The following RNF213 variants were observed in gnomAD, a reference collection of about 807,000 sequenced individuals.
RNF213 encodes the protein ring finger protein 213.
Under a neutral mutation model 514.4 loss-of-function variants are expected in RNF213, and 341 were observed. The ratio of observed to expected loss-of-function variants is 0.66; its 90% CI spans 0.61 to 0.73. RNF213 has a LOEUF of 0.73. Ranked by LOEUF, RNF213 falls within the 30% of genes least tolerant of loss-of-function variation. The pLI, the probability that RNF213 is intolerant of heterozygous loss-of-function variation, is 0.00. For synonymous variants in RNF213, 2,655 were observed against 2,658.2 expected, an observed-to-expected ratio of 1.00 and a Z score of 0.04; for missense variants, 5,767 against 6,615.6, an observed-to-expected ratio of 0.87 and a Z score of 4.45.
chr17:80,288,731 T>C lies in RNF213; in HGVS notation c.909T>C (p.Thr303=). The stretch of plus-strand genomic sequence containing the variant: ...GAATGAAACAGCCACCAGCAACCAC[T>C]CCTCCTTTCAAAACACACTGCCAGG... ...TQRMKQPPAT[T]PPFKTHCQEA... is the part of the protein sequence containing the mutation. The change falls in exon 5 of 68, where the codon ACT becomes ACC. Residue 303 remains threonine (T), a synonymous_variant. Coordinates refer to ENST00000582970, the MANE Select transcript of RNF213 (RefSeq NM_001256071.3). The surrounding 1 kb of genome is among the most constrained non-coding windows in gnomAD (Gnocchi z 4.9). 1 of 1,614,080 alleles carries C rather than the reference T, an allele frequency of 6.2e-7. No homozygotes were observed. The highest frequency in any genetic ancestry group is 8.5e-7 in the Non-Finnish European group (1 of 1,180,018).
chr17:80,304,498 G>A (rs1158472029), intron 11 of RNF213, among the ~76,000 whole-genome samples: 1 of 151,952 alleles, frequency 6.6e-6, no homozygotes, highest in Non-Finnish European at 1.5e-5. Flanking sequence ...AAATGAGCCG[G>A]GCGTGGTGGC....
At position 80,356,923 on chromosome 17, in the gene RNF213, G is replaced by T. The variant is rs866297346; in HGVS notation, c.10863-1365G>T. Among the ~76,000 whole-genome samples, 1,145 of 145,800 alleles carry T rather than the reference G, an allele frequency of 7.9e-3. 22 individuals carry two copies. Among genetic ancestry groups the T allele is most frequent in the African/African-American group, 0.026 (1,041 of 39,636 alleles). On this transcript the variant is annotated intron_variant, in intron 36 of 67. Coordinates refer to ENST00000582970, the MANE Select transcript of RNF213 (RefSeq NM_001256071.3). ...CCCCCAACATTAATTACCTTGTGGGGTTTTTTTTTTTTCGAGACAGAGTCT... is the reference window on the plus strand; with the variant it reads ...CCCCCAACATTAATTACCTTGTGGGTTTTTTTTTTTTTCGAGACAGAGTCT...
rs922848727 is a variant in RNF213, at chr17:80,376,597, G to C, written c.13428+54G>C. On this transcript the variant is annotated intron_variant, in intron 52 of 67. Coordinates refer to ENST00000582970, the MANE Select transcript of RNF213 (RefSeq NM_001256071.3). ...TTCACTGGAACACCCCCCAGAGCTT[G>C]TCACTGTAGAGACCGAGCTGCAGCT... 4.3e-6 allele frequency: 7 copies of C among 1,612,202 alleles called. No individual in the cohort carries two copies. In the East Asian group the frequency reaches 6.7e-5, roughly 15 times the overall value.
chr17:80,288,972 C>T lies in RNF213; in HGVS notation c.933+217C>T, dbSNP rs540849752. ...CGTGGAGGGAGGGAGAGAGGGCACC[C>T]AGGTGGGCCCCGAGGTACCATGGCA... On this transcript the variant is annotated intron_variant, in intron 5 of 67. Coordinates refer to ENST00000582970, the MANE Select transcript of RNF213 (RefSeq NM_001256071.3). The surrounding 1 kb of genome is among the most constrained non-coding windows in gnomAD (Gnocchi z 4.9). Among the ~76,000 whole-genome samples, 451 of 152,280 alleles carry T rather than the reference C, an allele frequency of 3.0e-3. 3 individuals carry two copies. Among genetic ancestry groups the T allele is most frequent in the African/African-American group, 0.01 (430 of 41,566 alleles).
rs145172026 is a variant in RNF213 at position 80,327,631 on chromosome 17, C to T, written c.3194-185C>T. Among the ~76,000 whole-genome samples, 692 of 152,306 alleles carry T rather than the reference C, an allele frequency of 4.5e-3. 3 individuals are homozygous for T. The highest frequency in any genetic ancestry group is 8.0e-3 in the Non-Finnish European group (541 of 68,026). On this transcript the variant is annotated intron_variant, in intron 18 of 67. Coordinates refer to ENST00000582970, the MANE Select transcript of RNF213 (RefSeq NM_001256071.3). ...TTCAGGGGATGAATCTGGGCAAGAC[C>T]TAACCCTCGTGGGGGAAAGCAGAAG...
Position 80,337,373 on chromosome 17 carries a change from G to A in RNF213, c.4528-213G>A, listed in dbSNP as rs367803668. The A allele has an allele frequency of 2.4e-4, 143 of 585,312 alleles. 1 individual carries two copies. In the East Asian group the frequency reaches 4.1e-3, roughly 17 times the overall value. 36.3% of individuals were successfully genotyped at this position (585,312 alleles called of 1,614,324 possible). A position where few individuals can be genotyped will look rare whatever the true frequency, so the allele number is the denominator to read the frequency against. On this transcript the variant is annotated intron_variant, in intron 23 of 67. Coordinates refer to ENST00000582970, the MANE Select transcript of RNF213 (RefSeq NM_001256071.3). ...CAGGCACTGGAGGAAACGTGGAACA[G>A]CGAGTACAAAGCAGCACTGAGTGAC...
Position 80,361,896 on chromosome 17 carries a change from T to C in RNF213, c.11355+8T>C, listed in dbSNP as rs2079068622. ...ACGGAGGAGGAATTAAAGGTAGATGTTTAGATACTGGCTAAGGGTCAGGTG... is the reference window on the plus strand; with the variant it reads ...ACGGAGGAGGAATTAAAGGTAGATGCTTAGATACTGGCTAAGGGTCAGGTG... On this transcript the variant is annotated splice_region_variant and intron_variant, in intron 39 of 67. Transcript: ENST00000582970. 1 of 1,610,624 alleles carries C rather than the reference T, an allele frequency of 6.2e-7. No homozygotes were observed. The highest frequency in any genetic ancestry group is 1.3e-5 in the African/African-American group (1 of 74,856).
intron 38 of RNF213, among the ~76,000 whole-genome samples, chr17:80,360,793 A>G (rs560618848): frequency 1.3e-5 from 2 of 152,304 alleles, no homozygotes; most frequent in African/African-American, 4.8e-5. Flanking sequence ...TCTTTCATAC[A>G]TGCAATAGTC....
rs2078627922 is a variant in RNF213, at chr17:80,353,879, G to A, written c.10579-140G>A. The A allele has an allele frequency of 1.6e-6, 2 of 1,256,270 alleles. No individual in the cohort carries two copies. Among genetic ancestry groups the A allele is most frequent in the East Asian group, 5.0e-5 (2 of 40,312 alleles). 77.8% of individuals were successfully genotyped at this position (1,256,270 alleles called of 1,614,324 possible). A position where few individuals can be genotyped will look rare whatever the true frequency, so the allele number is the denominator to read the frequency against. ...GCAGTTTGGGGGGTGCAGGGCGGAG[G>A]TCGGCGTCTCTTCTTTGTCCGTGAG... On this transcript the variant is annotated intron_variant, in intron 34 of 67. Coordinates refer to ENST00000582970, the MANE Select transcript of RNF213 (RefSeq NM_001256071.3). The surrounding 1 kb of genome is among the most constrained non-coding windows in gnomAD (Gnocchi z 5.0).
Position 80,337,821 on chromosome 17 carries a change from T to G in RNF213, c.4669-12T>G. On this transcript the variant is annotated splice_polypyrimidine_tract_variant and intron_variant, in intron 24 of 67. Coordinates refer to ENST00000582970, the MANE Select transcript of RNF213 (RefSeq NM_001256071.3). ...CCCCAAGAAAGTGACTTCTAACCTA[T>G]GCTCTTCACAGATTTCCCCAGACAC... The G allele has an allele frequency of 6.5e-7, 1 of 1,536,944 alleles. No individual in the cohort carries two copies. Among genetic ancestry groups the G allele is most frequent in the Non-Finnish European group, 8.7e-7 (1 of 1,146,642 alleles).
At chr17:80,381,870 A>G (rs931621497) in intron 57 of RNF213, 143 bp downstream of exon 57, 16 of 838,526 alleles carry the variant, frequency 1.9e-5, no homozygotes, top group Non-Finnish European at 2.7e-5. Flanking sequence ...GAACACACAG[A>G]GAGAAAACCG....
At position 80,340,252 on chromosome 17, in the gene RNF213, A is replaced by T; in HGVS notation, c.5885A>T (p.Tyr1962Phe). The T allele has an allele frequency of 6.2e-7, 1 of 1,614,106 alleles. No individual in the cohort carries two copies. Among genetic ancestry groups the T allele is most frequent in the Non-Finnish European group, 8.5e-7 (1 of 1,180,022 alleles). Residue 1962 changes from tyrosine (Y) to phenylalanine (F), a missense_variant, in exon 26 of 68, where the codon TAC (tyrosine) becomes TTC (phenylalanine). By Grantham distance (22) the Tyr-to-Phe change is conservative. This residue lies in a region of RNF213 where 1,377 missense variants were observed against 1,635.2 expected (regional missense o/e 0.84). Transcript: ENST00000582970. Reference sequence around the variant, plus strand: ...GCACCCCTCGAGGCCATCCAAGCCTACCTGGCAGGTCACTACCGGGTCCCG... The same window carrying T: ...GCACCCCTCGAGGCCATCCAAGCCTTCCTGGCAGGTCACTACCGGGTCCCG... ...PQAPLEAIQA[Y>F]LAGHYRVPKQ...
chr17:80,334,028 C>T (rs770419808), intron 21 of RNF213, 77 bp from the exon 22 acceptor site: 85 of 1,505,466 alleles, frequency 5.6e-5, no homozygotes, highest in East Asian at 7.4e-5. Flanking sequence ...GCTGCTGGGA[C>T]GGTCAGTGCT....
rs978564684 is a variant in RNF213 at position 80,264,327 on chromosome 17, G to GC, written c.97+553dup. Among the ~76,000 whole-genome samples, 3 of 152,082 alleles carry GC rather than the reference G, an allele frequency of 2.0e-5. No individual in the cohort carries two copies. Among genetic ancestry groups the GC allele is most frequent in the African/African-American group, 7.2e-5 (3 of 41,418 alleles). On this transcript the variant is annotated intron_variant, in intron 2 of 67. Coordinates refer to ENST00000582970, the MANE Select transcript of RNF213 (RefSeq NM_001256071.3). The surrounding 1 kb of genome is among the most constrained non-coding windows in gnomAD (Gnocchi z 5.0). ...TTAGTTTTTGAGGGGCCGTGAGGGG[G>GC]CCCCAGGACCTGTCCAGGCACCTCC...
intron 13 of RNF213, 57 bp downstream of exon 13, chr17:80,307,258 C>G: frequency 6.7e-7 from 1 of 1,503,492 alleles, no homozygotes; most frequent in South Asian, 1.1e-5. Context: ...GGGGCTTCCT[C>G]TGACCCCTAT....
chr17:80,288,283 C>T lies in RNF213; in HGVS notation c.730C>T (p.Pro244Ser), dbSNP rs1194766715. 1.2e-6 allele frequency: 2 copies of T among 1,613,166 alleles called. No individual in the cohort carries two copies. Among genetic ancestry groups the T allele is most frequent in the Admixed American group, 3.3e-5 (2 of 60,032 alleles). Reference sequence around the variant, plus strand: ...AGATGCTGCCCAGGAGCTCCTGTTGCCTGAGTCAAAAGGAGGCAGCTCTGA... The same window carrying T: ...AGATGCTGCCCAGGAGCTCCTGTTGTCTGAGTCAAAAGGAGGCAGCTCTGA... ...TEDAAQELLL[P>S]ESKGGSSEPG... Residue 244 changes from proline to serine, a missense_variant, in exon 4 of 68, where the codon CCT becomes TCT. Transcript: ENST00000582970. The surrounding 1 kb of genome is among the most constrained non-coding windows in gnomAD (Gnocchi z 4.9).
At chr17:80,329,361 A>G (rs1356555469) in intron 20 of RNF213, among the ~76,000 whole-genome samples, 1 of 152,242 alleles carries the variant, frequency 6.6e-6, no homozygotes, top group African/African-American at 2.4e-5. Flanking sequence ...TTCCTTCTGA[A>G]GTTTCAATGT....
At chr17:80,351,974 C>A (rs1599091936) in intron 32 of RNF213, 171 bp downstream of exon 32, 2 of 495,088 alleles carry the variant, frequency 4.0e-6, no homozygotes, top group East Asian at 4.0e-5. Context: ...CCTGCCTCAG[C>A]CTCCCAAGTA....
At position 80,332,551 on chromosome 17, in the gene RNF213, G is replaced by A. The variant is rs192173389; in HGVS notation, c.4063G>A (p.Ala1355Thr). 1.0e-5 allele frequency: 16 copies of A among 1,535,644 alleles called. No individual in the cohort carries two copies. In the Admixed American group the frequency reaches 3.1e-4, roughly 30 times the overall value. The part of the protein sequence containing the change: ...EYHHLHQAVH[A>T]AKVILQVKES... ...CCATCACCTGCACCAGGCTGTCCACGCAGCCAAGGTCATCTTGCAGGTCAA... is the reference window on the plus strand; with the variant it reads ...CCATCACCTGCACCAGGCTGTCCACACAGCCAAGGTCATCTTGCAGGTCAA... Residue 1355 changes from alanine (A) to threonine (T), a missense_variant, in exon 21 of 68, where the codon GCA (alanine) becomes ACA (threonine). Physicochemically the swap from Ala to Thr is moderately conservative, Grantham distance 58. Transcript: ENST00000582970.
Sources: allele counts gnomAD v4.1 joint callset (sites outside exome capture counted in the v4.1 genomes callset), GRCh38; gene constraint gnomAD v4.1.1; regional missense constraint gnomAD v4.1.1; non-coding constraint Gnocchi (gnomAD v3.1); transcripts MANE v1.5; gene names NCBI Gene and HGNC (gene_info 2026-07-23, HGNC 2026-07-21).